GLIS3: variants seen among roughly 807,000 people sequenced by gnomAD.
The protein encoded by GLIS3 is GLIS family zinc finger 3, also known as zinc finger protein GLIS3.
In GLIS3, 53 loss-of-function variants were observed where a neutral mutation model predicts 78.6. The observed-to-expected ratio is 0.67, with a 90% confidence interval of 0.54 to 0.85. GLIS3 has a LOEUF of 0.85. GLIS3 is among the 40% of genes least tolerant of loss of function. GLIS3 has a pLI of 0.00. For synonymous variants in GLIS3, 684 were observed against 509.9 expected, an observed-to-expected ratio of 1.34 and a Z score of -4.60; for missense variants, 1,703 against 1,231.1, an observed-to-expected ratio of 1.38 and a Z score of -5.74.
chr9:3,831,002 G>A (rs1356067242), intron 9 of GLIS3, among the ~76,000 whole-genome samples: 2 of 152,032 alleles, frequency 1.3e-5, no homozygotes, highest in Non-Finnish European at 2.9e-5. Context: ...TGTCTTAACC[G>A]TCCATAAAGA....
chr9:4,249,146 T>C (rs376627361), intron 2 of GLIS3, among the ~76,000 whole-genome samples: 59 of 152,312 alleles, frequency 3.9e-4, no homozygotes, highest in African/African-American at 1.2e-3. Flanking sequence ...TTTAAAGCAG[T>C]TTTTTCTAAT....
At chr9:4,258,680 C>G (rs574270832) in intron 2 of GLIS3, among the ~76,000 whole-genome samples, 47 of 152,288 alleles carry the variant, frequency 3.1e-4, no homozygotes, top group Non-Finnish European at 5.9e-4. Context: ...TCAGAAACAT[C>G]AGTTAGTTTT....
chr9:4,257,587 T>TGTTGTTGTTGTTGTTGTTG (rs1563844885), intron 2 of GLIS3, among the ~76,000 whole-genome samples: 1 of 6,894 alleles, frequency 1.5e-4, no homozygotes, highest in Non-Finnish European at 5.1e-4. Flanking sequence ...TTGTTGTTAT[T>TGTTGTTGTTGTTGTTGTTG]TTTTGAGACG....
At chr9:4,095,497 G>A (rs146379287) in intron 4 of GLIS3, among the ~76,000 whole-genome samples, 121 of 152,276 alleles carry the variant, frequency 7.9e-4, no homozygotes, top group African/African-American at 2.8e-3. Flanking sequence ...AGAAGTGGCT[G>A]CTATGTTTTA....
intron 2 of GLIS3, among the ~76,000 whole-genome samples, chr9:4,226,955 T>G (rs987301481): frequency 3.3e-5 from 5 of 152,194 alleles, no homozygotes; most frequent in East Asian, 1.9e-4. Context: ...GGTGCATAGC[T>G]GATCTCAGCC....
intron 2 of GLIS3, among the ~76,000 whole-genome samples, chr9:4,181,924 G>T (rs77344791): frequency 6.6e-6 from 1 of 152,162 alleles, no homozygotes; most frequent in African/African-American, 2.4e-5. Flanking sequence ...CAGACCATAA[G>T]AAGCACTCAG....
the GLIS3 span, among the ~76,000 whole-genome samples, chr9:4,370,138 T>C: frequency 2.5e-5 from 3 of 120,236 alleles, no homozygotes; most frequent in Non-Finnish European, 4.8e-5. Flanking sequence ...GTTGCAGTCA[T>C]CCAAGATTGC....
chr9:4,191,747 GA>G (rs1818348787), intron 2 of GLIS3, among the ~76,000 whole-genome samples: 1 of 152,152 alleles, frequency 6.6e-6, no homozygotes, highest in Non-Finnish European at 1.5e-5. Flanking sequence ...AAAATGAATT[GA>G]GGAACGTGGT....
chr9:4,119,126 A>G (rs984341232), intron 3 of GLIS3, among the ~76,000 whole-genome samples: 2 of 152,216 alleles, frequency 1.3e-5, no homozygotes. Context: ...CAAAAGATCT[A>G]TTGTTATAAA....
At chr9:4,477,990 A>G in the GLIS3 span, among the ~76,000 whole-genome samples, 1 of 152,206 alleles carries the variant, frequency 6.6e-6, no homozygotes, top group African/African-American at 2.4e-5. Flanking sequence ...CAGAAACAAC[A>G]TAGCAATGAG....
At position 4,094,098 on chromosome 9, in the gene GLIS3, C is replaced by G. The variant is rs1452171627; in HGVS notation, c.1710+23670G>C. On this transcript the variant is annotated intron_variant, in intron 4 of 10. Transcript: ENST00000381971. ...ATGCTTCCCAATCAATGGCTTTAAG[C>G]ACGTGAAAATCTCAACCAAAAATAC... is the stretch of plus-strand genomic sequence containing the variant. 2.0e-5 allele frequency among the ~76,000 whole-genome samples: 3 copies of G among 152,066 alleles called. No individual in the cohort carries two copies. In the East Asian group the frequency reaches 5.8e-4, roughly 29 times the overall value.
chr9:4,084,215 G>A (rs1040214249), intron 4 of GLIS3, among the ~76,000 whole-genome samples: 8 of 149,544 alleles, frequency 5.3e-5, no homozygotes, highest in African/African-American at 2.0e-4. Context: ...GTGATATGAT[G>A]CCAGCAATGT....
the GLIS3 span, among the ~76,000 whole-genome samples, chr9:4,490,129 C>A: frequency 6.6e-6 from 1 of 152,194 alleles, no homozygotes; most frequent in Non-Finnish European, 1.5e-5. Context: ...GGGAGACGTG[C>A]AGGATGAAGT....
At chr9:4,317,496 T>G (rs1307564088) in intron 2 of GLIS3, among the ~76,000 whole-genome samples, 1 of 152,214 alleles carries the variant, frequency 6.6e-6, no homozygotes, top group Non-Finnish European at 1.5e-5. Flanking sequence ...TTTTTAAAAA[T>G]ATCAGTCTAA....
intron 7 of GLIS3, among the ~76,000 whole-genome samples, chr9:3,886,111 T>G (rs1057493133): frequency 2.6e-5 from 4 of 152,188 alleles, no homozygotes; most frequent in African/African-American, 9.6e-5. Context: ...TTAATAGAAC[T>G]AGGGAAAGAT....
the GLIS3 span, among the ~76,000 whole-genome samples, chr9:4,434,671 C>T: frequency 6.6e-6 from 1 of 152,188 alleles, no homozygotes; most frequent in Non-Finnish European, 1.5e-5. Context: ...AGACTCCCCT[C>T]AATCCAGATG....
At chr9:3,884,405 T>TATTAA (rs1277797719) in intron 7 of GLIS3, among the ~76,000 whole-genome samples, 1 of 152,216 alleles carries the variant, frequency 6.6e-6, no homozygotes, top group East Asian at 1.9e-4. Context: ...GGCTAAGGTA[T>TATTAA]ATTAAAAACA....
chr9:4,112,513 G>T (rs1831303860), intron 4 of GLIS3, among the ~76,000 whole-genome samples: 1 of 152,108 alleles, frequency 6.6e-6, no homozygotes, highest in Non-Finnish European at 1.5e-5. Context: ...GAATCACCTT[G>T]GAAGCTGCAT....
chr9:4,246,617 G>C (rs1183910325), intron 2 of GLIS3, among the ~76,000 whole-genome samples: 1 of 152,106 alleles, frequency 6.6e-6, no homozygotes, highest in African/African-American at 2.4e-5. Flanking sequence ...ACTGAGACTG[G>C]AGTTCAGTAT....
Sources: gnomAD v4.1 joint callset for allele counts (sites outside exome capture counted in the v4.1 genomes callset) on GRCh38, gnomAD v4.1.1 for gene constraint, MANE v1.5 for transcripts, NCBI Gene and HGNC (gene_info 2026-07-23, HGNC 2026-07-21) for gene names.